Variants in FANK1 observed in about 807,000 individuals in gnomAD.
FANK1 encodes the protein fibronectin type III and ankyrin repeat domains 1.
A neutral mutation model predicts 45.3 loss-of-function variants in FANK1; 44 were observed. The ratio of observed to expected loss-of-function variants is 0.97; its 90% CI spans 0.76 to 1.25. The LOEUF (loss-of-function observed/expected upper bound fraction) is 1.25, where lower values mean the gene tolerates loss of function less well. Among genes scored for constraint, FANK1 ranks in the 50% most tolerant of loss-of-function variants. The probability of loss-of-function intolerance (pLI) is 0.00; values close to 1 mark genes in which losing one functional copy is unlikely to be tolerated. For synonymous variants in FANK1, 149 were observed against 152.5 expected (o/e 0.98, Z 0.17); for missense variants, 391 against 424.4 (o/e 0.92, Z 0.69).
intron 3 of FANK1, chr10:125,989,383 G>A: frequency 6.5e-7 from 1 of 1,548,156 alleles, no homozygotes; most frequent in Middle Eastern, 1.7e-4. Flanking sequence ...GTTGCACAAA[G>A]GAAACCTTCC....
chr10:125,953,679 T>C (rs936409047), intron 1 of FANK1, among the ~76,000 whole-genome samples: 7 of 152,160 alleles, frequency 4.6e-5, no homozygotes, highest in Non-Finnish European at 7.4e-5. Flanking sequence ...GGTTGCTAAG[T>C]TGTATTTTTT....
intron 1 of FANK1, among the ~76,000 whole-genome samples, chr10:125,969,576 A>G (rs1232472829): frequency 6.6e-6 from 1 of 152,228 alleles, no homozygotes; most frequent in Non-Finnish European, 1.5e-5. Context: ...TATAAACATC[A>G]TGGTTAAATA....
At chr10:125,989,528 G>C in intron 3 of FANK1, 1 of 754,606 alleles carries the variant, frequency 1.3e-6, no homozygotes, top group South Asian at 1.5e-5. Flanking sequence ...AGTTAACTCA[G>C]CTTTTGAGTT....
intron 1 of FANK1, among the ~76,000 whole-genome samples, chr10:125,936,960 C>T (rs1267862726): frequency 6.6e-5 from 10 of 151,854 alleles, no homozygotes; most frequent in South Asian, 2.1e-4. Context: ...CCAGCTACTC[C>T]GGAGGCTGAG....
At chr10:125,992,014 G>T (rs1951980787) in intron 3 of FANK1, among the ~76,000 whole-genome samples, 1 of 152,200 alleles carries the variant, frequency 6.6e-6, no homozygotes, top group African/African-American at 2.4e-5. Flanking sequence ...ACCATGGGCA[G>T]AATCAGTTTG....
At chr10:125,948,904 A>G (rs888387777) in intron 1 of FANK1, among the ~76,000 whole-genome samples, 4 of 148,262 alleles carry the variant, frequency 2.7e-5, no homozygotes, top group African/African-American at 1.0e-4. Context: ...GCAGCACATC[A>G]AAAAGCTTAT....
In FANK1 at chr10:125,912,443, A is replaced by AGTGTGT. The variant is rs60956003; in HGVS notation, c.13+15827_13+15832dup. Among the ~76,000 whole-genome samples the AGTGTGT allele has an allele frequency of 5.0e-3, 741 of 147,258 alleles. 8 individuals carry two copies. The highest frequency in any genetic ancestry group is 0.017 in the African/African-American group (670 of 39,924). ...GTTTCCTTTTTATTGGCACCACCAA[A>AGTGTGT]GTGTGTGTGTGTGTGTGTGTGTGTG... On this transcript the variant is annotated intron_variant, in intron 1 of 10. Coordinates refer to ENST00000368693, the MANE Select transcript of FANK1 (RefSeq NM_145235.5).
At chr10:125,931,575 A>G (rs569492310) in intron 1 of FANK1, among the ~76,000 whole-genome samples, 4 of 151,440 alleles carry the variant, frequency 2.6e-5, no homozygotes, top group African/African-American at 9.7e-5. Flanking sequence ...TTTTTTTCTT[A>G]CTGATTTGAG....
intron 1 of FANK1, among the ~76,000 whole-genome samples, chr10:125,941,383 A>C (rs993286970): frequency 1.3e-5 from 2 of 152,238 alleles, no homozygotes; most frequent in Admixed American, 1.3e-4. Flanking sequence ...ACGATTTTGC[A>C]TCTACAGGAC....
intron 2 of FANK1, among the ~76,000 whole-genome samples, chr10:125,984,395 A>G (rs916547246): frequency 4.6e-5 from 7 of 152,254 alleles, no homozygotes; most frequent in Admixed American, 4.6e-4. Context: ...TCCGAGTTCA[A>G]CAGGGCGGGG....
chr10:125,994,525 GC>G (rs1564958381), intron 3 of FANK1: 1 of 985,286 alleles, frequency 1.0e-6, no homozygotes, highest in East Asian at 1.1e-4. Flanking sequence ...GATGGTAGCT[GC>G]TGTACTGTCA....
chr10:125,908,664 G>C (rs1945738292), intron 1 of FANK1, among the ~76,000 whole-genome samples: 1 of 152,042 alleles, frequency 6.6e-6, no homozygotes, highest in African/African-American at 2.4e-5. Context: ...CTGCTCGAGT[G>C]ATGGGTGCAC....
intron 1 of FANK1, among the ~76,000 whole-genome samples, chr10:125,967,821 AG>A (rs1359120213): frequency 6.6e-6 from 1 of 152,222 alleles, no homozygotes; most frequent in African/African-American, 2.4e-5. Flanking sequence ...AAAACATTTT[AG>A]CTTTTATATT....
chr10:125,910,715 G>A (rs112613921), intron 1 of FANK1, among the ~76,000 whole-genome samples: 5,981 of 103,280 alleles, frequency 0.058, no homozygotes, highest in Non-Finnish European at 0.085. Flanking sequence ...GTTTCCAGAC[G>A]TTTGCTATTG....
At chr10:125,929,766 G>A (rs1392353750) in intron 1 of FANK1, among the ~76,000 whole-genome samples, 1 of 152,148 alleles carries the variant, frequency 6.6e-6, no homozygotes, top group African/African-American at 2.4e-5. Context: ...GAAACTACAC[G>A]CCACAGTGTG....
At chr10:125,987,855 TG>T (rs1194510793) in intron 2 of FANK1, among the ~76,000 whole-genome samples, 1 of 149,372 alleles carries the variant, frequency 6.7e-6, no homozygotes, top group African/African-American at 2.6e-5. Context: ...AGGCATTTCT[TG>T]GTGCTGATTT....
intron 1 of FANK1, among the ~76,000 whole-genome samples, chr10:125,936,371 T>C (rs1214324478): frequency 6.7e-6 from 1 of 150,236 alleles, no homozygotes; most frequent in African/African-American, 2.5e-5. Context: ...AATGCACATA[T>C]CATAAGTTTA....
rs374939077 is a variant in FANK1 at position 125,951,459 on chromosome 10, C to T, written c.14-28702C>T. Among the ~76,000 whole-genome samples, 30 of 152,186 alleles carry T rather than the reference C, an allele frequency of 2.0e-4. 1 individual carries two copies. The highest frequency in any genetic ancestry group is 7.0e-4 in the African/African-American group (29 of 41,516). ...GCTGTGAGTTGCTCATTGTGACAGG[C>T]AAGGATGAAAGTTCAAGGTACTTAG... On this transcript the variant is annotated intron_variant, in intron 1 of 10. Coordinates refer to ENST00000368693, the MANE Select transcript of FANK1 (RefSeq NM_145235.5).
At chr10:125,975,284 A>T (rs1024084527) in intron 1 of FANK1, among the ~76,000 whole-genome samples, 4 of 152,176 alleles carry the variant, frequency 2.6e-5, no homozygotes, top group African/African-American at 9.7e-5. Context: ...CTTTGCTATT[A>T]TGAACAGTCC....
Sources: allele counts gnomAD v4.1 joint callset (sites outside exome capture counted in the v4.1 genomes callset), GRCh38; gene constraint gnomAD v4.1.1; transcripts MANE v1.5; gene names NCBI Gene and HGNC (gene_info 2026-07-23, HGNC 2026-07-21).